Variants in NEO1 observed in about 807,000 individuals in gnomAD.
The protein encoded by NEO1 is neogenin 1, also known as neogenin.
A neutral mutation model predicts 159.7 loss-of-function variants in NEO1; 63 were observed. The observed-to-expected ratio is 0.39, with a 90% confidence interval of 0.32 to 0.49. The LOEUF is 0.49. Ranked by LOEUF, NEO1 falls within the 20% of genes least tolerant of loss-of-function variation. The probability of loss-of-function intolerance (pLI) is 0.85; values close to 1 mark genes in which losing one functional copy is unlikely to be tolerated. For synonymous variants in NEO1, 633 were observed against 662.0 expected (o/e 0.96, Z 0.67); for missense variants, 1,615 against 1,831.0 (o/e 0.88, Z 2.15).
intron 5 of NEO1, among the ~76,000 whole-genome samples, chr15:73,141,911 C>G (rs2032423818): frequency 6.6e-6 from 1 of 152,160 alleles, no homozygotes; most frequent in South Asian, 2.1e-4. Flanking sequence ...TCATAGTTGG[C>G]TTTTTCAGCG....
intron 7 of NEO1, among the ~76,000 whole-genome samples, chr15:73,225,955 C>T (rs1037305216): frequency 2.6e-5 from 4 of 152,136 alleles, no homozygotes; most frequent in Non-Finnish European, 4.4e-5. Context: ...TAGTGAGCTC[C>T]CGGGGCCTTT....
intron 7 of NEO1, among the ~76,000 whole-genome samples, chr15:73,181,869 A>G (rs1045557919): frequency 2.6e-5 from 4 of 151,530 alleles, no homozygotes; most frequent in African/African-American, 9.8e-5. Flanking sequence ...AAACATTGTT[A>G]TAGAGAAGCC....
intron 25 of NEO1, among the ~76,000 whole-genome samples, chr15:73,291,327 T>C (rs369754316): frequency 6.6e-6 from 1 of 152,362 alleles, no homozygotes; most frequent in East Asian, 1.9e-4. Flanking sequence ...CTTTTAAATA[T>C]GTTAAGTAAA....
At chr15:73,122,063 G>GTATGTA in intron 2 of NEO1, among the ~76,000 whole-genome samples, 1 of 126,368 alleles carries the variant, frequency 7.9e-6, no homozygotes, top group East Asian at 2.3e-4. Context: ...GTGTGTGTGT[G>GTATGTA]TATATATATA....
intron 8 of NEO1, among the ~76,000 whole-genome samples, chr15:73,242,397 G>A (rs1319667357): frequency 6.6e-6 from 1 of 152,192 alleles, no homozygotes; most frequent in African/African-American, 2.4e-5. Flanking sequence ...ACCAGGTGTG[G>A]TGGTTCATGC....
At chr15:73,090,698 A>G (rs2069638063) in intron 1 of NEO1, among the ~76,000 whole-genome samples, 1 of 152,226 alleles carries the variant, frequency 6.6e-6, no homozygotes, top group Non-Finnish European at 1.5e-5. Context: ...TACTAATGGA[A>G]AATTTAAAAA....
At chr15:73,206,589 T>TTTG (rs539788662) in intron 7 of NEO1, among the ~76,000 whole-genome samples, 3 of 152,058 alleles carry the variant, frequency 2.0e-5, no homozygotes, top group South Asian at 2.1e-4. Context: ...ATAGTTTGTT[T>TTTG]TTGTTGTTGT....
intron 2 of NEO1, among the ~76,000 whole-genome samples, chr15:73,117,717 G>T (rs1023738273): frequency 7.2e-5 from 11 of 152,028 alleles, no homozygotes; most frequent in Admixed American, 3.3e-4. Flanking sequence ...ATAATGGCTG[G>T]TTTTTTTCCT....
intron 7 of NEO1, among the ~76,000 whole-genome samples, chr15:73,206,998 A>C (rs914273997): frequency 6.6e-6 from 1 of 152,144 alleles, no homozygotes; most frequent in Non-Finnish European, 1.5e-5. Flanking sequence ...GTGGGACTAC[A>C]GGTGCACACC....
intron 7 of NEO1, among the ~76,000 whole-genome samples, chr15:73,217,876 G>T (rs2150734374): frequency 6.6e-6 from 1 of 152,198 alleles, no homozygotes; most frequent in Admixed American, 6.5e-5. Context: ...CTGCAAACAG[G>T]GACAAATTGA....
At chr15:73,283,768 C>T (rs745694586) in intron 23 of NEO1, among the ~76,000 whole-genome samples, 2 of 152,160 alleles carry the variant, frequency 1.3e-5, no homozygotes, top group Non-Finnish European at 2.9e-5. Context: ...ACAGTGAACC[C>T]GATGCCCAGG....
chr15:73,123,603 G>C (rs1408304454), intron 3 of NEO1, among the ~76,000 whole-genome samples: 1 of 152,026 alleles, frequency 6.6e-6, no homozygotes, highest in Non-Finnish European at 1.5e-5. Flanking sequence ...CTCAGTTCCT[G>C]CCCCTTCTGG....
At chr15:73,138,363 T>G (rs572964526) in intron 5 of NEO1, among the ~76,000 whole-genome samples, 2 of 152,148 alleles carry the variant, frequency 1.3e-5, no homozygotes, top group Non-Finnish European at 2.9e-5. Flanking sequence ...TCACACAAGA[T>G]CTCTGAAGGT....
At chr15:73,164,067 G>A (rs1454687870) in intron 5 of NEO1, among the ~76,000 whole-genome samples, 3 of 144,698 alleles carry the variant, frequency 2.1e-5, no homozygotes, top group South Asian at 2.2e-4. Context: ...TCACTCTGTC[G>A]CCCAGGCTGG....
intron 7 of NEO1, among the ~76,000 whole-genome samples, chr15:73,217,024 T>C (rs964299801): frequency 6.6e-6 from 1 of 152,204 alleles, no homozygotes; most frequent in African/African-American, 2.4e-5. Context: ...TCCTGAATGG[T>C]AATGCCTAGG....
intron 13 of NEO1, among the ~76,000 whole-genome samples, chr15:73,257,885 G>A (rs371309457): frequency 2.0e-5 from 3 of 152,170 alleles, no homozygotes; most frequent in African/African-American, 7.2e-5. Context: ...GGTTCATTGT[G>A]TGGGGAGACA....
At chr15:73,266,251 G>A (rs1275887357) in intron 15 of NEO1, 65 bp from the exon 16 acceptor site, 3 of 1,251,076 alleles carry the variant, frequency 2.4e-6, no homozygotes, top group Non-Finnish European at 3.4e-6. Flanking sequence ...ATTATGCACA[G>A]CCACCCTTGA....
intron 21 of NEO1, among the ~76,000 whole-genome samples, chr15:73,276,280 A>G (rs2041419803): frequency 6.6e-6 from 1 of 152,218 alleles, no homozygotes; most frequent in African/African-American, 2.4e-5. Context: ...AAATACAGGA[A>G]TATAAACCAT....
intron 3 of NEO1, among the ~76,000 whole-genome samples, chr15:73,123,383 C>A (rs931548999): frequency 2.6e-5 from 4 of 152,136 alleles, no homozygotes; most frequent in Non-Finnish European, 5.9e-5. Context: ...AGCCTTCTCT[C>A]CAACAATAGG....
Sources: gnomAD v4.1 joint callset for allele counts (sites outside exome capture counted in the v4.1 genomes callset) on GRCh38, gnomAD v4.1.1 for gene constraint, MANE v1.5 for transcripts, NCBI Gene and HGNC (gene_info 2026-07-23, HGNC 2026-07-21) for gene names.